Variants in BICD1 observed in about 807,000 individuals in gnomAD.
The protein encoded by BICD1 is protein bicaudal D homolog 1.
A neutral mutation model predicts 92.5 loss-of-function variants in BICD1; 35 were observed. That is an observed-to-expected ratio of 0.38 (90% CI 0.29 to 0.50). The LOEUF (loss-of-function observed/expected upper bound fraction) is 0.50, where lower values mean the gene tolerates loss of function less well. BICD1 is among the 20% of genes least tolerant of loss of function. The pLI, the probability that BICD1 is intolerant of heterozygous loss-of-function variation, is 0.93. For synonymous variants in BICD1, 429 were observed against 465.1 expected (o/e 0.92, Z 1.00); for missense variants, 950 against 1,189.8 (o/e 0.80, Z 2.97).
chr12:32,185,548 A>G (rs974510777), intron 1 of BICD1, among the ~76,000 whole-genome samples: 9 of 152,206 alleles, frequency 5.9e-5, no homozygotes, highest in African/African-American at 1.9e-4. Flanking sequence ...AAAGAACGCA[A>G]TGGGAACACA....
At chr12:32,199,047 T>G (rs1044428264) in intron 1 of BICD1, among the ~76,000 whole-genome samples, 2 of 152,140 alleles carry the variant, frequency 1.3e-5, no homozygotes, top group African/African-American at 2.4e-5. Context: ...CTGAGAGAGA[T>G]AAAGACATGA....
chr12:32,242,056 A>AAAC (rs571056325), intron 2 of BICD1, among the ~76,000 whole-genome samples: 4,341 of 150,254 alleles, frequency 0.029, 66 homozygotes, highest in Middle Eastern at 0.086. Flanking sequence ...AACAAACAAA[A>AAAC]AAACAAAAAT....
intron 1 of BICD1, among the ~76,000 whole-genome samples, chr12:32,159,753 G>A (rs1388506405): frequency 6.6e-6 from 1 of 152,140 alleles, no homozygotes; most frequent in Non-Finnish European, 1.5e-5. Flanking sequence ...TGGGGCTCTG[G>A]TTGGATTCCC....
chr12:32,378,766 C>CA lies in BICD1; in HGVS notation c.*1141dup, dbSNP rs1418526523. On this transcript the variant is annotated 3_prime_UTR_variant, in exon 10 of 10. Coordinates refer to ENST00000652176, the MANE Select transcript of BICD1 (RefSeq NM_001714.4). ...TAACGAATCTTCCTTGCCAAAAAAA[C>CA]AATAGATAATAAACCTTAGCTCATT... 6.6e-6 allele frequency: 1 copy of CA among 151,984 alleles called. No individual in the cohort carries two copies. The highest frequency in any genetic ancestry group is 1.5e-5 in the Non-Finnish European group (1 of 67,986). 9.4% of individuals were successfully genotyped at this position (151,984 alleles called of 1,614,324 possible).
At chr12:32,248,353 T>C (rs558307888) in intron 2 of BICD1, among the ~76,000 whole-genome samples, 1 of 152,220 alleles carries the variant, frequency 6.6e-6, no homozygotes, top group African/African-American at 2.4e-5. Context: ...GAATCAACAG[T>C]TCATATCAGG....
chr12:32,265,547 GAAAAAAA>G (rs11341415), intron 2 of BICD1, among the ~76,000 whole-genome samples: 2 of 125,708 alleles, frequency 1.6e-5, no homozygotes, highest in African/African-American at 2.9e-5. Context: ...CGTTTCTACA[GAAAAAAA>G]AAAAAAAAAA....
intron 2 of BICD1, among the ~76,000 whole-genome samples, chr12:32,268,391 T>C (rs541624783): frequency 1.3e-4 from 19 of 144,340 alleles, no homozygotes; most frequent in African/African-American, 5.6e-4. Flanking sequence ...AAATACGTCA[T>C]TGGTCCATGT....
intron 5 of BICD1, among the ~76,000 whole-genome samples, chr12:32,334,304 G>A (rs1938008046): frequency 6.6e-6 from 1 of 151,914 alleles, no homozygotes; most frequent in Non-Finnish European, 1.5e-5. Context: ...GGGCTTCTAG[G>A]GCAATTTAAC....
At chr12:32,317,228 G>A (rs1247757769) in intron 4 of BICD1, among the ~76,000 whole-genome samples, 2 of 152,162 alleles carry the variant, frequency 1.3e-5, no homozygotes, top group African/African-American at 2.4e-5. Flanking sequence ...ACCCAGTAAT[G>A]GGATGGCTGG....
intron 1 of BICD1, among the ~76,000 whole-genome samples, chr12:32,156,753 T>C (rs1024589855): frequency 6.6e-6 from 1 of 152,210 alleles, no homozygotes; most frequent in Non-Finnish European, 1.5e-5. Flanking sequence ...GATGTGTGTA[T>C]TGCAGAACAC....
intron 1 of BICD1, among the ~76,000 whole-genome samples, chr12:32,116,201 C>G (rs1011757505): frequency 2.6e-5 from 4 of 151,966 alleles, no homozygotes; most frequent in Non-Finnish European, 4.4e-5. Context: ...TCTGAGATGG[C>G]TGTGTTTTAG....
At chr12:32,184,804 C>G (rs1164798551) in intron 1 of BICD1, among the ~76,000 whole-genome samples, 6 of 152,188 alleles carry the variant, frequency 3.9e-5, no homozygotes, top group African/African-American at 7.2e-5. Context: ...CTCTTCAACT[C>G]ATAAAATGTG....
At chr12:32,243,020 C>T (rs915361461) in intron 2 of BICD1, among the ~76,000 whole-genome samples, 28 of 152,086 alleles carry the variant, frequency 1.8e-4, no homozygotes, top group African/African-American at 6.3e-4. Context: ...GTACCTGGTG[C>T]AGAGTTAGGG....
At chr12:32,156,493 T>C (rs1310070467) in intron 1 of BICD1, among the ~76,000 whole-genome samples, 1 of 152,202 alleles carries the variant, frequency 6.6e-6, no homozygotes, top group Non-Finnish European at 1.5e-5. Context: ...ATGCTTACAG[T>C]AATTGAAGGA....
intron 1 of BICD1, among the ~76,000 whole-genome samples, chr12:32,160,374 C>A: frequency 6.6e-6 from 1 of 152,116 alleles, no homozygotes; most frequent in East Asian, 1.9e-4. Flanking sequence ...GTAAAGCCAT[C>A]GTTAGCTAAG....
chr12:32,298,739 A>T (rs1338847320), intron 3 of BICD1, among the ~76,000 whole-genome samples: 3 of 151,300 alleles, frequency 2.0e-5, no homozygotes, highest in Non-Finnish European at 2.9e-5. Context: ...GCGTGGTGGC[A>T]CATGCCTGTA....
chr12:32,270,338 A>T (rs909876804), intron 2 of BICD1, among the ~76,000 whole-genome samples: 2 of 152,110 alleles, frequency 1.3e-5, no homozygotes, highest in Admixed American at 1.3e-4. Flanking sequence ...GAAAATTCAC[A>T]TTTTAAAAGT....
chr12:32,296,058 C>A (rs2136197993), intron 3 of BICD1, among the ~76,000 whole-genome samples: 1 of 152,138 alleles, frequency 6.6e-6, no homozygotes, highest in East Asian at 1.9e-4. Flanking sequence ...ACTGGAGTAT[C>A]CCCATGTGTT....
intron 2 of BICD1, among the ~76,000 whole-genome samples, chr12:32,273,326 A>C (rs188124693): frequency 1.3e-5 from 2 of 152,314 alleles, no homozygotes; most frequent in African/African-American, 4.8e-5. Context: ...GAAAAGACTC[A>C]CAAGATTCCA....
Sources: allele counts gnomAD v4.1 joint callset (sites outside exome capture counted in the v4.1 genomes callset), GRCh38; gene constraint gnomAD v4.1.1; transcripts MANE v1.5; gene names NCBI Gene and HGNC (gene_info 2026-07-23, HGNC 2026-07-21).